The following TNFAIP8 variants were observed in gnomAD, a reference collection of about 807,000 sequenced individuals.
TNFAIP8 encodes TNF alpha induced protein 8.
A neutral mutation model predicts 13.3 loss-of-function variants in TNFAIP8; 7 were observed. The observed-to-expected ratio is 0.52, with a 90% CI of 0.30 to 0.99. The LOEUF (loss-of-function observed/expected upper bound fraction) is 0.99. Among genes scored for constraint, TNFAIP8 ranks in the 50% least tolerant of loss-of-function variants. TNFAIP8 has a pLI of 0.07. For missense variants in TNFAIP8, 258 were observed against 236.9 expected, an observed-to-expected ratio of 1.09 and a Z score of -0.58; for synonymous variants, 94 against 87.6, an observed-to-expected ratio of 1.07 and a Z score of -0.41.
At chr5:119,278,331 C>A (rs1289137341) in intron 1 of TNFAIP8, among the ~76,000 whole-genome samples, 4 of 148,626 alleles carry the variant, frequency 2.7e-5, no homozygotes, top group African/African-American at 9.9e-5. Context: ...TCCTGCCAAC[C>A]TCTTTTTAAG....
chr5:119,337,807 C>G (rs1389992221), intron 1 of TNFAIP8, among the ~76,000 whole-genome samples: 4 of 152,100 alleles, frequency 2.6e-5, no homozygotes, highest in Admixed American at 2.0e-4. Context: ...AAGTTGCCAC[C>G]AAAGAAAGCC....
chr5:119,310,026 T>G (rs1749682266), intron 1 of TNFAIP8, among the ~76,000 whole-genome samples: 1 of 152,206 alleles, frequency 6.6e-6, no homozygotes, highest in Non-Finnish European at 1.5e-5. Context: ...TGTCACTTAG[T>G]AGGATCTCAA....
At chr5:119,281,306 A>ACACACACACACACACTCTCTCTCT in intron 1 of TNFAIP8, among the ~76,000 whole-genome samples, 92 of 114,210 alleles carry the variant, frequency 8.1e-4, no homozygotes, top group African/African-American at 2.6e-3. Flanking sequence ...ACACACACAC[A>ACACACACACACACACTCTCTCTCT]CTCTCTCTCT....
chr5:119,316,602 G>A (rs1231623232), intron 1 of TNFAIP8, among the ~76,000 whole-genome samples: 1 of 152,150 alleles, frequency 6.6e-6, no homozygotes, highest in Non-Finnish European at 1.5e-5. Context: ...AAACTCTAAG[G>A]CAGAGATTCT....
chr5:119,342,254 A>G (rs1750762028), intron 1 of TNFAIP8, among the ~76,000 whole-genome samples: 1 of 152,210 alleles, frequency 6.6e-6, no homozygotes, highest in African/African-American at 2.4e-5. Context: ...CCTCTCAGAG[A>G]TAGCACCTTG....
At chr5:119,297,358 T>C (rs1749210419) in intron 1 of TNFAIP8, among the ~76,000 whole-genome samples, 1 of 152,244 alleles carries the variant, frequency 6.6e-6, no homozygotes, top group South Asian at 2.1e-4. Context: ...TTCATTTTGT[T>C]ATGTACCCAG....
chr5:119,397,387 T>C lies in TNFAIP8; in HGVS notation c.*4006T>C, dbSNP rs1011978592. 4 of 152,234 alleles carry C rather than the reference T, an allele frequency of 2.6e-5. No homozygotes were observed. Among genetic ancestry groups the C allele is most frequent in the Non-Finnish European group, 4.4e-5 (3 of 68,042 alleles). 9.4% of individuals were successfully genotyped at this position (152,234 alleles called of 1,614,324 possible). ...TTGCCAGGAAATTAAAATACTCCAG[T>C]AAAATGAATTAAATTAGCATGTTAA... On this transcript the variant is annotated 3_prime_UTR_variant, in exon 2 of 2. Coordinates refer to ENST00000504771, the MANE Select transcript of TNFAIP8 (RefSeq NM_014350.4).
At chr5:119,352,401 C>T (rs1190552066), upstream of TNFAIP8, among the ~76,000 whole-genome samples, 3 of 151,532 alleles carry the variant, frequency 2.0e-5, no homozygotes, top group Non-Finnish European at 2.9e-5. Flanking sequence ...TTGAAGGAAG[C>T]AGATTCAGCC....
At chr5:119,386,390 G>C (rs191538021) in intron 1 of TNFAIP8, among the ~76,000 whole-genome samples, 1 of 152,274 alleles carries the variant, frequency 6.6e-6, no homozygotes, top group African/African-American at 2.4e-5. Context: ...GTATGTAGAA[G>C]AGCCATTTGC....
chr5:119,275,829 C>A (rs935244325), intron 1 of TNFAIP8, among the ~76,000 whole-genome samples: 124 of 148,482 alleles, frequency 8.4e-4, no homozygotes, highest in African/African-American at 3.1e-3. Flanking sequence ...CTTTTTTTTT[C>A]CCCTCTAGAT....
chr5:119,374,836 G>A lies in TNFAIP8; in HGVS notation c.32-17980G>A, dbSNP rs147746245. Among the ~76,000 whole-genome samples the A allele has an allele frequency of 6.1e-3, 925 of 152,270 alleles. 13 individuals are homozygous for A. The highest frequency in any genetic ancestry group is 0.021 in the African/African-American group (886 of 41,548). ...GATTTTTTTCTGAGAAGCCAGAAAT[G>A]TGAATTTTTATTGAAAGTTCCCAAC... On this transcript the variant is annotated intron_variant, in intron 1 of 1. Coordinates refer to ENST00000504771, the MANE Select transcript of TNFAIP8 (RefSeq NM_014350.4).
At chr5:119,376,022 C>G (rs1752263698) in intron 1 of TNFAIP8, among the ~76,000 whole-genome samples, 1 of 152,072 alleles carries the variant, frequency 6.6e-6, no homozygotes, top group Admixed American at 6.5e-5. Context: ...GGATGCCTAT[C>G]TTTAGTGATG....
intron 1 of TNFAIP8, among the ~76,000 whole-genome samples, chr5:119,356,538 CTA>C (rs148109730): frequency 2.3e-3 from 348 of 152,196 alleles, no homozygotes; most frequent in African/African-American, 8.2e-3. Flanking sequence ...ATTAGAAACG[CTA>C]TATGTTTCCG....
chr5:119,388,546 A>C lies in TNFAIP8; in HGVS notation c.32-4270A>C, dbSNP rs12514023. Among the ~76,000 whole-genome samples, 1,045 of 152,358 alleles carry C rather than the reference A, an allele frequency of 6.9e-3. 43 individuals carry two copies. The highest frequency in any genetic ancestry group is 0.062 in the Admixed American group (943 of 15,302). ...TTTAAATCCTAGTAGGGAGAGGCAGACAATAAAAATGTAGGCAAATGAAGA... is the reference window on the plus strand; with the variant it reads ...TTTAAATCCTAGTAGGGAGAGGCAGCCAATAAAAATGTAGGCAAATGAAGA... On this transcript the variant is annotated intron_variant, in intron 1 of 1. Coordinates refer to ENST00000504771, the MANE Select transcript of TNFAIP8 (RefSeq NM_014350.4).
rs1753077531 is a variant in TNFAIP8 at position 119,396,561 on chromosome 5, A to G, written c.*3180A>G. ...GCAGCAGTTCAGTACTGTGCTCCCT[A>G]GAGTAGGCACGGCATCAGTTTCAAA... On this transcript the variant is annotated 3_prime_UTR_variant, in exon 2 of 2. Transcript: ENST00000504771. The G allele has an allele frequency of 6.6e-6, 1 of 152,244 alleles. No homozygotes were observed. The highest frequency in any genetic ancestry group is 2.4e-5 in the African/African-American group (1 of 41,472). The allele number at this position is 152,244 out of a possible 1,614,324, so 9.4% of individuals were successfully genotyped here.
intron 1 of TNFAIP8, among the ~76,000 whole-genome samples, chr5:119,304,682 C>G (rs1749499437): frequency 6.6e-6 from 1 of 152,202 alleles, no homozygotes; most frequent in African/African-American, 2.4e-5. Flanking sequence ...CATAACTGTT[C>G]CTGTTTTCTT....
At chr5:119,363,383 T>C (rs1378548403) in intron 1 of TNFAIP8, among the ~76,000 whole-genome samples, 1 of 152,216 alleles carries the variant, frequency 6.6e-6, no homozygotes, top group African/African-American at 2.4e-5. Context: ...GTGACTGCCC[T>C]GCCAAGAGCA....
At chr5:119,282,497 A>G (rs539584635) in intron 1 of TNFAIP8, among the ~76,000 whole-genome samples, 3 of 152,306 alleles carry the variant, frequency 2.0e-5, no homozygotes, top group South Asian at 2.1e-4. Flanking sequence ...GGGTTGTCCC[A>G]TGGATTCAGT....
At position 119,394,498 on chromosome 5, in the gene TNFAIP8, G is replaced by T. The variant is rs1000391845; in HGVS notation, c.*1117G>T. 6.6e-6 allele frequency: 1 copy of T among 151,896 alleles called. No individual in the cohort carries two copies. The highest frequency in any genetic ancestry group is 1.5e-5 in the Non-Finnish European group (1 of 68,008). 9.4% of individuals were successfully genotyped at this position (151,896 alleles called of 1,614,324 possible). ...TTTCTGTGTATAAATAATAAAGTAG[G>T]CATTTGTTTATTTTGTAAAAAAGAA... On this transcript the variant is annotated 3_prime_UTR_variant, in exon 2 of 2. Transcript: ENST00000504771.
Sources: gnomAD v4.1 joint callset for allele counts (sites outside exome capture counted in the v4.1 genomes callset) on GRCh38, gnomAD v4.1.1 for gene constraint, MANE v1.5 for transcripts, NCBI Gene and HGNC (gene_info 2026-07-23, HGNC 2026-07-21) for gene names.